The following FSTL5 variants were observed in gnomAD, a reference collection of about 807,000 sequenced individuals.
The protein encoded by FSTL5 is follistatin-related protein 5.
Under a neutral mutation model 89.1 loss-of-function variants are expected in FSTL5, and 62 were observed. The ratio of observed to expected loss-of-function variants is 0.70; its 90% CI spans 0.57 to 0.86. FSTL5 has a LOEUF of 0.86. Ranked by LOEUF, FSTL5 falls within the 40% of genes least tolerant of loss-of-function variation. The pLI, the probability that FSTL5 is intolerant of heterozygous loss-of-function variation, is 0.00. For synonymous variants in FSTL5, 383 were observed against 346.2 expected, an observed-to-expected ratio of 1.11 and a Z score of -1.18; for missense variants, 1,057 against 1,001.6, an observed-to-expected ratio of 1.06 and a Z score of -0.75.
chr4:161,480,918 A>T (rs1729480278), intron 13 of FSTL5, 102 bp downstream of exon 13: 2 of 748,434 alleles, frequency 2.7e-6, no homozygotes, highest in South Asian at 2.0e-5. Context: ...CCAAGTAAGG[A>T]AACACATTAT....
intron 10 of FSTL5, among the ~76,000 whole-genome samples, chr4:161,515,722 C>T (rs951014021): frequency 6.6e-6 from 1 of 151,772 alleles, no homozygotes; most frequent in Admixed American, 6.6e-5. Context: ...TTTATTAATT[C>T]TAACCTAGTA....
chr4:162,084,156 T>C (rs1474936657), intron 2 of FSTL5, among the ~76,000 whole-genome samples: 1 of 151,936 alleles, frequency 6.6e-6, no homozygotes, highest in East Asian at 1.9e-4. Flanking sequence ...GATGCATCAG[T>C]GGTGCAAATT....
intron 8 of FSTL5, among the ~76,000 whole-genome samples, chr4:161,582,575 A>G (rs1467410949): frequency 6.6e-6 from 1 of 152,186 alleles, no homozygotes; most frequent in Non-Finnish European, 1.5e-5. Context: ...AAAGGAGAGG[A>G]ACACACTAAA....
chr4:161,577,972 T>A (rs1733287765), intron 8 of FSTL5, among the ~76,000 whole-genome samples: 1 of 151,742 alleles, frequency 6.6e-6, no homozygotes, highest in Non-Finnish European at 1.5e-5. Flanking sequence ...GACTCAAATA[T>A]AGTTTTTTTT....
At position 161,691,586 on chromosome 4, in the gene FSTL5, T is replaced by C. The variant is rs111781912; in HGVS notation, c.728-35092A>G. Among the ~76,000 whole-genome samples the C allele has an allele frequency of 2.6e-5, 4 of 152,290 alleles. No homozygotes were observed. The South Asian group carries it at 8.3e-4, about 32-fold the overall frequency. On this transcript the variant is annotated intron_variant, in intron 6 of 15. Coordinates refer to ENST00000306100, the MANE Select transcript of FSTL5 (RefSeq NM_020116.5). ...ATTGAGATTTTGATAGGAATTCCAC[T>C]TAATCTGCAGATTAGTTTGGGCACT... is the stretch of plus-strand genomic sequence containing the variant.
chr4:161,543,274 AAAG>A (rs1284069072), intron 8 of FSTL5, among the ~76,000 whole-genome samples: 2 of 152,020 alleles, frequency 1.3e-5, no homozygotes, highest in Non-Finnish European at 1.5e-5. Context: ...GAAAGAATTT[AAAG>A]AAGACCTAAA....
In FSTL5 at chr4:161,629,402, G is replaced by A. The variant is rs1410652363; in HGVS notation, c.894+26926C>T. On this transcript the variant is annotated intron_variant, in intron 7 of 15. Coordinates refer to ENST00000306100, the MANE Select transcript of FSTL5 (RefSeq NM_020116.5). ...TTGTCACCCAGGCTGGAGTGCGATG[G>A]CATGATCTCGGTTCACTGCAACCTC... is the stretch of plus-strand genomic sequence containing the variant. Among the ~76,000 whole-genome samples the A allele has an allele frequency of 3.3e-5, 5 of 152,056 alleles. No homozygotes were observed. The East Asian group carries it at 5.8e-4, about 18-fold the overall frequency.
intron 2 of FSTL5, 71 bp from the exon 3 acceptor site, chr4:162,033,729 C>T: frequency 1.2e-6 from 1 of 837,034 alleles, no homozygotes; most frequent in Non-Finnish European, 1.9e-6. Context: ...TATAAAGTTT[C>T]ACTATAGAAG....
chr4:162,014,140 C>T (rs1736849049), intron 3 of FSTL5, among the ~76,000 whole-genome samples: 1 of 152,162 alleles, frequency 6.6e-6, no homozygotes, highest in Admixed American at 6.5e-5. Context: ...CAGGAGATAC[C>T]ACCAGTGAGC....
At chr4:161,452,258 C>T (rs1483800743) in intron 15 of FSTL5, among the ~76,000 whole-genome samples, 1 of 152,184 alleles carries the variant, frequency 6.6e-6, no homozygotes, top group South Asian at 2.1e-4. Flanking sequence ...GGTGGATCAC[C>T]TGAGGTCAGG....
chr4:161,766,898 T>C (rs947772020), intron 5 of FSTL5, among the ~76,000 whole-genome samples: 14 of 123,390 alleles, frequency 1.1e-4, no homozygotes, highest in Non-Finnish European at 2.1e-4. Flanking sequence ...AGACAATAGA[T>C]GATAGATCGA....
chr4:161,424,230 G>C (rs1015910144), intron 15 of FSTL5, among the ~76,000 whole-genome samples: 4 of 151,616 alleles, frequency 2.6e-5, no homozygotes, highest in Admixed American at 6.6e-5. Context: ...AAATAGGTTT[G>C]TGCTGACCTT....
chr4:161,500,718 A>G (rs1008684727), intron 11 of FSTL5, among the ~76,000 whole-genome samples: 1 of 152,188 alleles, frequency 6.6e-6, no homozygotes, highest in African/African-American at 2.4e-5. Flanking sequence ...CTATACCTCA[A>G]AACAAATTAA....
chr4:161,456,842 T>C (rs1733371496), intron 14 of FSTL5, among the ~76,000 whole-genome samples: 2 of 152,194 alleles, frequency 1.3e-5, no homozygotes, highest in African/African-American at 4.8e-5. Flanking sequence ...TAGAGAATTA[T>C]CTCCTTTGAA....
At chr4:161,525,002 T>G (rs1356565677) in intron 10 of FSTL5, among the ~76,000 whole-genome samples, 1 of 151,918 alleles carries the variant, frequency 6.6e-6, no homozygotes, top group Non-Finnish European at 1.5e-5. Flanking sequence ...GGTTTGATAT[T>G]CTCTTAAATC....
At chr4:161,770,629 T>C (rs891146246) in intron 5 of FSTL5, among the ~76,000 whole-genome samples, 1 of 152,038 alleles carries the variant, frequency 6.6e-6, no homozygotes, top group Non-Finnish European at 1.5e-5. Flanking sequence ...CACATATGTA[T>C]GTCCTCTTGT....
chr4:162,137,857 C>T (rs1464163841), intron 1 of FSTL5, among the ~76,000 whole-genome samples: 1 of 152,030 alleles, frequency 6.6e-6, no homozygotes, highest in Non-Finnish European at 1.5e-5. Flanking sequence ...CTAACACATT[C>T]ATTAACAAAG....
At chr4:161,595,887 G>A (rs1192101948) in intron 7 of FSTL5, among the ~76,000 whole-genome samples, 1 of 151,342 alleles carries the variant, frequency 6.6e-6, no homozygotes, top group East Asian at 1.9e-4. Context: ...TAAATTGTAT[G>A]GTACCAATAT....
At chr4:161,670,639 T>C (rs911220198) in intron 6 of FSTL5, among the ~76,000 whole-genome samples, 1 of 152,158 alleles carries the variant, frequency 6.6e-6, no homozygotes, top group African/African-American at 2.4e-5. Context: ...CTGATAAAAC[T>C]GAAACTAGGA....
Sources: gnomAD v4.1 joint callset for allele counts (sites outside exome capture counted in the v4.1 genomes callset) on GRCh38, gnomAD v4.1.1 for gene constraint, MANE v1.5 for transcripts, NCBI Gene and HGNC (gene_info 2026-07-23, HGNC 2026-07-21) for gene names.